Variants in SLC35F3 observed in about 807,000 individuals in gnomAD.
SLC35F3 encodes putative thiamine transporter SLC35F3.
SLC35F3 carries 25 observed loss-of-function variants against 49.9 expected under a neutral mutation model. The ratio of observed to expected loss-of-function variants is 0.50; its 90% CI spans 0.37 to 0.70. The LOEUF (loss-of-function observed/expected upper bound fraction) is 0.70, where lower values mean the gene tolerates loss of function less well. Among genes scored for constraint, SLC35F3 ranks in the 30% least tolerant of loss-of-function variants. SLC35F3 has a pLI of 0.00. For synonymous variants in SLC35F3, 275 were observed against 265.4 expected (o/e 1.04, Z -0.35); for missense variants, 525 against 639.8 (o/e 0.82, Z 1.94).
Position 233,904,980 on chromosome 1 carries a change from G to A in SLC35F3, c.-98G>A. The A allele has an allele frequency of 2.2e-6, 3 of 1,355,318 alleles. No homozygotes were observed. Among genetic ancestry groups the A allele is most frequent in the Non-Finnish European group, 3.1e-6 (3 of 983,064 alleles). The allele number at this position is 1,355,318 out of a possible 1,614,324, so 84.0% of individuals were successfully genotyped here. On this transcript the variant is annotated 5_prime_UTR_variant, in exon 1 of 8. Transcript: ENST00000366618. Reference sequence around the variant, plus strand: ...GCGGCGCAGACCCTCGGTGGGCAGCGCACTCCAGTCTTCCCAGGCTAGCGG... The same window carrying A: ...GCGGCGCAGACCCTCGGTGGGCAGCACACTCCAGTCTTCCCAGGCTAGCGG...
intron 2 of SLC35F3, among the ~76,000 whole-genome samples, chr1:233,997,836 C>T (rs1663485557): frequency 6.6e-6 from 1 of 152,060 alleles, no homozygotes; most frequent in South Asian, 2.1e-4. Context: ...ACTGCAACCT[C>T]CGCCTCCCAG....
chr1:234,236,594 A>T (rs558938037), intron 3 of SLC35F3, among the ~76,000 whole-genome samples: 1 of 152,170 alleles, frequency 6.6e-6, no homozygotes, highest in East Asian at 1.9e-4. Context: ...TCTTCTTAGG[A>T]TGTAGGATGT....
chr1:234,120,933 G>C (rs952432592), intron 2 of SLC35F3, among the ~76,000 whole-genome samples: 1 of 152,042 alleles, frequency 6.6e-6, no homozygotes, highest in African/African-American at 2.4e-5. Context: ...ATGTGTCTTA[G>C]TATAATTTTC....
At chr1:234,189,243 C>T (rs1018620162) in intron 2 of SLC35F3, among the ~76,000 whole-genome samples, 1 of 151,510 alleles carries the variant, frequency 6.6e-6, no homozygotes, top group Non-Finnish European at 1.5e-5. Context: ...AACAAGAATT[C>T]AGAAGGTTGA....
At chr1:234,073,900 G>A (rs1057474558) in intron 2 of SLC35F3, among the ~76,000 whole-genome samples, 1 of 151,966 alleles carries the variant, frequency 6.6e-6, no homozygotes, top group Non-Finnish European at 1.5e-5. Context: ...TACCATCTGG[G>A]CCATTTTTAA....
chr1:233,952,391 G>T (rs1031014147), intron 2 of SLC35F3, among the ~76,000 whole-genome samples: 8 of 152,170 alleles, frequency 5.3e-5, no homozygotes, highest in African/African-American at 1.7e-4. Flanking sequence ...GTTGAGGTGG[G>T]TGTGGGCTGT....
At chr1:234,056,789 G>C (rs1413917464) in intron 2 of SLC35F3, among the ~76,000 whole-genome samples, 1 of 152,138 alleles carries the variant, frequency 6.6e-6, no homozygotes, top group South Asian at 2.1e-4. Context: ...CAGTTTGGTA[G>C]CCTTAGACCT....
At chr1:233,918,892 T>G (rs1266174908) in intron 2 of SLC35F3, among the ~76,000 whole-genome samples, 1 of 152,006 alleles carries the variant, frequency 6.6e-6, no homozygotes, top group African/African-American at 2.4e-5. Context: ...AGTGTGGTTA[T>G]AAAAGGTCCT....
intron 2 of SLC35F3, among the ~76,000 whole-genome samples, chr1:234,133,910 G>C (rs901228407): frequency 4.6e-5 from 7 of 152,164 alleles, no homozygotes; most frequent in Non-Finnish European, 8.8e-5. Flanking sequence ...GAGACACAGA[G>C]TCTTTGGTCT....
At chr1:234,036,376 A>G (rs1281404525) in intron 2 of SLC35F3, among the ~76,000 whole-genome samples, 2 of 152,134 alleles carry the variant, frequency 1.3e-5, no homozygotes, top group African/African-American at 4.8e-5. Flanking sequence ...TAGTTGGGCT[A>G]TTTAATTGAG....
At chr1:234,240,650 A>G (rs1222786191) in intron 3 of SLC35F3, among the ~76,000 whole-genome samples, 2 of 152,072 alleles carry the variant, frequency 1.3e-5, no homozygotes, top group African/African-American at 4.8e-5. Context: ...ATAAAATGAC[A>G]AGGAGGAGGT....
chr1:234,005,510 T>C (rs988786385), intron 2 of SLC35F3, among the ~76,000 whole-genome samples: 1 of 152,152 alleles, frequency 6.6e-6, no homozygotes, highest in Non-Finnish European at 1.5e-5. Context: ...CAATGGAGGC[T>C]GCTGCTGCTG....
intron 2 of SLC35F3, among the ~76,000 whole-genome samples, chr1:233,919,068 A>C (rs1662019735): frequency 1.3e-5 from 2 of 152,104 alleles, no homozygotes; most frequent in African/African-American, 2.4e-5. Flanking sequence ...CCATTTTTTC[A>C]ACCTTTCTGT....
intron 2 of SLC35F3, among the ~76,000 whole-genome samples, chr1:234,029,340 A>ACAGGC (rs1166583916): frequency 6.6e-6 from 1 of 152,220 alleles, no homozygotes; most frequent in African/African-American, 2.4e-5. Flanking sequence ...CGCAGATGGC[A>ACAGGC]CAGGCTGTGA....
chr1:234,117,752 G>A (rs1271648115), intron 2 of SLC35F3, among the ~76,000 whole-genome samples: 3 of 151,446 alleles, frequency 2.0e-5, no homozygotes, highest in Non-Finnish European at 2.9e-5. Flanking sequence ...CGGGCGTGGT[G>A]GTGGGCGCCT....
chr1:234,178,462 A>G (rs373191556), intron 2 of SLC35F3, among the ~76,000 whole-genome samples: 1 of 29,364 alleles, frequency 3.4e-5, no homozygotes, highest in East Asian at 2.7e-4. Context: ...TCTCCTAAGG[A>G]AAAAAAAAAA....
rs568804663 is a variant in SLC35F3, at chr1:234,002,744, C to T, written c.283+96986C>T. Among the ~76,000 whole-genome samples, 46 of 152,210 alleles carry T rather than the reference C, an allele frequency of 3.0e-4. No individual in the cohort carries two copies. In the South Asian group the frequency reaches 9.3e-3, roughly 31 times the overall value. ...CATAGCCCACCCTTAAGGAGGGTTG[C>T]GTCTACCTCCTTGAAGGTGGAGAGT... On this transcript the variant is annotated intron_variant, in intron 2 of 7. Transcript: ENST00000366618.
chr1:234,268,618 A>G (rs1668046296), intron 3 of SLC35F3: 1 of 152,238 alleles, frequency 6.6e-6, no homozygotes, highest in Non-Finnish European at 1.5e-5. Context: ...AAAACACCCA[A>G]AAGCAACCCA....
rs538092141 is a variant in SLC35F3 at position 234,175,242 on chromosome 1, A to G, written c.284-56175A>G. 2.3e-4 allele frequency among the ~76,000 whole-genome samples: 35 copies of G among 152,340 alleles called. No homozygotes were observed. In the South Asian group the frequency reaches 7.3e-3, roughly 32 times the overall value. ...AGGCTCTAGCAGTATCTGCCCTGGG[A>G]AAATCCTCTTCATTTTGGTCCAAAG... is the stretch of plus-strand genomic sequence containing the variant. On this transcript the variant is annotated intron_variant, in intron 2 of 7. Transcript: ENST00000366618.
Sources: gnomAD v4.1 joint callset for allele counts (sites outside exome capture counted in the v4.1 genomes callset) on GRCh38, gnomAD v4.1.1 for gene constraint, MANE v1.5 for transcripts, NCBI Gene and HGNC (gene_info 2026-07-23, HGNC 2026-07-21) for gene names.